Variants in C1orf185 observed in about 807,000 individuals in gnomAD.
The protein encoded by C1orf185 is uncharacterized protein C1orf185.
In C1orf185, 13 loss-of-function variants were observed where a neutral mutation model predicts 16.1. That is an observed-to-expected ratio of 0.81 (90% confidence interval 0.53 to 1.28). The LOEUF (loss-of-function observed/expected upper bound fraction) is 1.28, where lower values mean the gene tolerates loss of function less well. Among genes scored for constraint, C1orf185 ranks in the 50% most tolerant of loss-of-function variants. C1orf185 has a pLI of 0.00. For missense variants in C1orf185, 220 were observed against 225.2 expected, an observed-to-expected ratio of 0.98 and a Z score of 0.15; for synonymous variants, 80 against 76.9, an observed-to-expected ratio of 1.04 and a Z score of -0.21.
chr1:51,124,980 A>T (rs551257827), intron 3 of C1orf185, among the ~76,000 whole-genome samples: 207 of 152,302 alleles, frequency 1.4e-3, no homozygotes, highest in African/African-American at 4.4e-3. Flanking sequence ...GCAGAGGCCC[A>T]TCTTCTGTAA....
intron 1 of C1orf185, chr1:51,107,355 C>G (rs1423109687): frequency 6.6e-6 from 1 of 152,146 alleles, no homozygotes; most frequent in Non-Finnish European, 1.5e-5. Context: ...AAAGAAAAAC[C>G]AATGAAATAT....
chr1:51,137,026 T>C (rs1382507348), intron 3 of C1orf185, among the ~76,000 whole-genome samples: 1 of 151,906 alleles, frequency 6.6e-6, no homozygotes, highest in Non-Finnish European at 1.5e-5. Context: ...AGGTCTAATA[T>C]CCAGCATCTG....
intron 3 of C1orf185, 39 bp downstream of exon 3, chr1:51,118,840 T>C (rs964831000): frequency 2.2e-5 from 29 of 1,291,004 alleles, no homozygotes; most frequent in Admixed American, 3.3e-5. Flanking sequence ...TTCAAATAAT[T>C]TCTTTTGATA....
intron 3 of C1orf185, among the ~76,000 whole-genome samples, chr1:51,135,321 C>A (rs998752087): frequency 3.3e-5 from 5 of 152,158 alleles, no homozygotes; most frequent in Non-Finnish European, 7.4e-5. Flanking sequence ...GGGCAGATCA[C>A]CTGAGGTTGG....
intron 3 of C1orf185, among the ~76,000 whole-genome samples, chr1:51,140,487 T>C (rs139748036): frequency 6.6e-6 from 1 of 152,338 alleles, no homozygotes; most frequent in Non-Finnish European, 1.5e-5. Flanking sequence ...GATTGCTTTA[T>C]GTTTAATGTT....
Position 51,118,666 on chromosome 1 carries a change from A to G in C1orf185, c.123A>G (p.Arg41=). 7.3e-7 allele frequency: 1 copy of G among 1,374,794 alleles called. No homozygotes were observed. The highest frequency in any genetic ancestry group is 9.6e-7 in the Non-Finnish European group (1 of 1,039,206). The allele number at this position is 1,374,794 out of a possible 1,614,324, so 85.2% of individuals were successfully genotyped here. Residue 41 remains arginine, a splice_region_variant and synonymous_variant, in exon 3 of 5, where the codon AGA becomes AGG. Transcript: ENST00000371759. ...ATATTCTTTATAAAATATTTTTCAG[A>G]GAAATATTTCAAAATTCCAAATTTA... The part of the protein sequence containing the change: ...SALWFLICKR[R]EIFQNSKFKA...
chr1:51,103,916 A>G (rs1186150739), intron 1 of C1orf185, among the ~76,000 whole-genome samples: 1 of 152,170 alleles, frequency 6.6e-6, no homozygotes, highest in Non-Finnish European at 1.5e-5. Context: ...TCATTTTTCA[A>G]GTGAGAACAT....
chr1:51,141,990 A>G lies in C1orf185; in HGVS notation c.259-3734A>G, dbSNP rs141088088. 1.5e-4 allele frequency among the ~76,000 whole-genome samples: 23 copies of G among 152,212 alleles called. No individual in the cohort carries two copies. The East Asian group carries it at 4.4e-3, about 29-fold the overall frequency. ...CACCATGTTGGCCAGTCTGGTCTCA[A>G]ACTCCAGACCTCAAGTGATCTGCCT... On this transcript the variant is annotated intron_variant, in intron 3 of 4. Transcript: ENST00000371759.
intron 3 of C1orf185, among the ~76,000 whole-genome samples, chr1:51,128,112 C>G (rs1646255578): frequency 6.6e-6 from 1 of 151,952 alleles, no homozygotes; most frequent in Non-Finnish European, 1.5e-5. Context: ...TGGATTAGAA[C>G]TTTTGACCTC....
At chr1:51,128,144 C>A (rs1646255713) in intron 3 of C1orf185, among the ~76,000 whole-genome samples, 1 of 152,072 alleles carries the variant, frequency 6.6e-6, no homozygotes, top group African/African-American at 2.4e-5. Context: ...CCACCTTGGC[C>A]TCCCGAAGCA....
At chr1:51,132,628 T>C (rs1646293990) in intron 3 of C1orf185, among the ~76,000 whole-genome samples, 1 of 152,184 alleles carries the variant, frequency 6.6e-6, no homozygotes, top group Non-Finnish European at 1.5e-5. Context: ...TTGGTATCCC[T>C]GAAAGAGATG....
At chr1:51,102,293 G>C (rs761294287) in intron 1 of C1orf185, 44 bp downstream of exon 1, 2 of 708,368 alleles carry the variant, frequency 2.8e-6, no homozygotes, top group Non-Finnish European at 2.6e-6. Flanking sequence ...TGCCTGGGAA[G>C]AAGAGGAAAA....
intron 1 of C1orf185, chr1:51,107,209 C>T (rs1470392344): frequency 6.6e-6 from 1 of 152,270 alleles, no homozygotes; most frequent in Non-Finnish European, 1.5e-5. Flanking sequence ...CACTTACCCG[C>T]CACTCCATAA....
chr1:51,111,269 C>G (rs909491495), intron 1 of C1orf185, among the ~76,000 whole-genome samples: 2 of 151,382 alleles, frequency 1.3e-5, no homozygotes, highest in African/African-American at 2.4e-5. Flanking sequence ...ATTTTACCAT[C>G]TATAAAATAA....
intron 3 of C1orf185, among the ~76,000 whole-genome samples, chr1:51,138,832 T>C (rs1033332916): frequency 5.3e-5 from 8 of 152,026 alleles, no homozygotes; most frequent in African/African-American, 1.9e-4. Context: ...GGATTACAGG[T>C]GTGCGCCCCT....
At position 51,147,565 on chromosome 1, in the gene C1orf185, A is replaced by T; in HGVS notation, c.394A>T (p.Thr132Ser). 1 of 1,551,658 alleles carries T rather than the reference A, an allele frequency of 6.4e-7. No individual in the cohort carries two copies. The highest frequency in any genetic ancestry group is 8.7e-7 in the Non-Finnish European group (1 of 1,146,930). ...CTCCACAACAAATCGCAGCAGTGTT[A>T]CATTAAGCTTATCAACATTACCATC... is the stretch of plus-strand genomic sequence containing the variant. The part of the protein sequence containing the change: ...TSSTTNRSSV[T>S]LSLSTLPSDS... The change falls in exon 5 of 5, where the codon ACA (threonine) becomes TCA (serine). Residue 132 changes from threonine (T) to serine (S), a missense_variant. Coordinates refer to ENST00000371759, the MANE Select transcript of C1orf185 (RefSeq NM_001136508.2).
intron 3 of C1orf185, among the ~76,000 whole-genome samples, chr1:51,123,478 T>A (rs555957995): frequency 2.6e-5 from 4 of 152,356 alleles, no homozygotes; most frequent in South Asian, 4.1e-4. Context: ...TATAAACATA[T>A]GTGTGGAGGT....
intron 3 of C1orf185, among the ~76,000 whole-genome samples, chr1:51,142,668 T>C (rs964021100): frequency 7.2e-5 from 11 of 152,330 alleles, no homozygotes; most frequent in Non-Finnish European, 1.2e-4. Flanking sequence ...AGTTGTCTAA[T>C]TTATTAGTAT....
chr1:51,133,409 T>C (rs1398298764), intron 3 of C1orf185, among the ~76,000 whole-genome samples: 2 of 152,130 alleles, frequency 1.3e-5, no homozygotes, highest in Non-Finnish European at 2.9e-5. Context: ...GCAATCATAG[T>C]TTCAGACAAA....
Sources: allele counts gnomAD v4.1 joint callset (sites outside exome capture counted in the v4.1 genomes callset), GRCh38; gene constraint gnomAD v4.1.1; transcripts MANE v1.5; gene names NCBI Gene and HGNC (gene_info 2026-07-23, HGNC 2026-07-21).